Variants in PTGIS observed in about 807,000 individuals in gnomAD.
PTGIS encodes prostaglandin I2 synthase.
In PTGIS, 45 loss-of-function variants were observed where a neutral mutation model predicts 50.3. The ratio of observed to expected loss-of-function variants is 0.90; its 90% CI spans 0.70 to 1.15. PTGIS has a LOEUF of 1.15. PTGIS is among the 50% of genes most tolerant of loss of function. The pLI, the probability that PTGIS is intolerant of heterozygous loss-of-function variation, is 0.00. For missense variants in PTGIS, 668 were observed against 661.3 expected (o/e 1.01, Z -0.11); for synonymous variants, 260 against 267.7 (o/e 0.97, Z 0.28).
At chr20:49,538,906 G>T (rs943463051) in intron 5 of PTGIS, among the ~76,000 whole-genome samples, 1 of 151,776 alleles carries the variant, frequency 6.6e-6, no homozygotes, top group Non-Finnish European at 1.5e-5. Flanking sequence ...GATCTCAAAC[G>T]CCTGACTTCA....
At chr20:49,545,089 T>C (rs900576612) in intron 3 of PTGIS, among the ~76,000 whole-genome samples, 20 of 151,978 alleles carry the variant, frequency 1.3e-4, no homozygotes, top group African/African-American at 4.1e-4. Context: ...CTGGGCAACA[T>C]AGTGAGACTC....
chr20:49,524,486 C>T (rs1414660008), intron 5 of PTGIS, among the ~76,000 whole-genome samples: 1 of 152,140 alleles, frequency 6.6e-6, no homozygotes, highest in Non-Finnish European at 1.5e-5. Context: ...CAGGTGGGAG[C>T]CTGATCTATT....
At chr20:49,548,561 T>A (rs753208714) in intron 2 of PTGIS, among the ~76,000 whole-genome samples, 8 of 151,110 alleles carry the variant, frequency 5.3e-5, no homozygotes, top group Non-Finnish European at 1.2e-4. Flanking sequence ...GATGGATGGA[T>A]GAAAGAATGG....
intron 1 of PTGIS, among the ~76,000 whole-genome samples, chr20:49,550,629 C>G (rs1217974568): frequency 6.6e-6 from 1 of 152,220 alleles, no homozygotes; most frequent in Non-Finnish European, 1.5e-5. Context: ...TGTTTGGTAA[C>G]AGCTTGGTAT....
At chr20:49,565,847 C>A (rs1982883141) in intron 1 of PTGIS, among the ~76,000 whole-genome samples, 2 of 152,182 alleles carry the variant, frequency 1.3e-5, no homozygotes, top group Non-Finnish European at 2.9e-5. Context: ...AGGGTCCATG[C>A]ACCTACCCTC....
chr20:49,513,848 A>C (rs762178658), intron 7 of PTGIS, among the ~76,000 whole-genome samples: 6 of 152,182 alleles, frequency 3.9e-5, no homozygotes, highest in Admixed American at 6.5e-5. Flanking sequence ...AGCTGCCAAC[A>C]GCTACTGCCA....
chr20:49,555,264 G>A (rs1982600062), intron 1 of PTGIS, among the ~76,000 whole-genome samples: 2 of 85,914 alleles, frequency 2.3e-5, no homozygotes, highest in Admixed American at 3.0e-4. Context: ...CAAAGTGAGA[G>A]TGTCTCGAAA....
chr20:49,565,996 G>A (rs937612132), intron 1 of PTGIS, among the ~76,000 whole-genome samples: 2 of 152,184 alleles, frequency 1.3e-5, no homozygotes, highest in South Asian at 2.1e-4. Flanking sequence ...TTGGGAGGCC[G>A]AGGCAGGCAG....
rs1280783501 is a variant in PTGIS at position 49,511,124 on chromosome 20, TAA to T, written c.1260_1261del (p.Phe420LeufsTer55). ...ATTCTTCAGCCGTTTCCCATCCTTG[TAA>T]AAGTCTTTCTTCTCTGATCCGTCAG... On this transcript the variant is annotated frameshift_variant, in exon 9 of 10. Coordinates refer to ENST00000244043, the MANE Select transcript of PTGIS (RefSeq NM_000961.4). LOFTEE classifies it high-confidence loss of function. 1.2e-6 allele frequency: 2 copies of T among 1,614,240 alleles called. No individual in the cohort carries two copies. The highest frequency in any genetic ancestry group is 1.7e-6 in the Non-Finnish European group (2 of 1,180,038).
chr20:49,564,997 G>A (rs1191584422), intron 1 of PTGIS, among the ~76,000 whole-genome samples: 1 of 147,972 alleles, frequency 6.8e-6, no homozygotes, highest in Non-Finnish European at 1.5e-5. Flanking sequence ...TTTTGAGATG[G>A]AGTCGCTCTG....
chr20:49,567,071 A>G (rs1328902998), intron 1 of PTGIS, among the ~76,000 whole-genome samples: 3 of 152,176 alleles, frequency 2.0e-5, no homozygotes, highest in Non-Finnish European at 4.4e-5. Context: ...AGACTCAGCA[A>G]CAGGAGAGGC....
intron 2 of PTGIS, among the ~76,000 whole-genome samples, chr20:49,549,289 C>A (rs897366335): frequency 6.6e-6 from 1 of 152,154 alleles, no homozygotes; most frequent in Non-Finnish European, 1.5e-5. Flanking sequence ...CTACATGCAT[C>A]CTCCCATATA....
intron 1 of PTGIS, among the ~76,000 whole-genome samples, chr20:49,553,207 T>C (rs189053786): frequency 1.3e-5 from 2 of 152,250 alleles, no homozygotes; most frequent in African/African-American, 4.8e-5. Flanking sequence ...GTGACAAAAT[T>C]TGGCATGAGG....
intron 6 of PTGIS, among the ~76,000 whole-genome samples, chr20:49,520,016 C>T (rs115175571): frequency 1.8e-3 from 272 of 151,852 alleles, no homozygotes; most frequent in African/African-American, 6.2e-3. Context: ...CCCTCTAAAG[C>T]GAAAGACAGG....
chr20:49,516,373 G>A (rs1253624921), intron 6 of PTGIS, among the ~76,000 whole-genome samples: 3 of 152,112 alleles, frequency 2.0e-5, no homozygotes, highest in Admixed American at 2.0e-4. Context: ...CACCTCCTGG[G>A]CTCAAGTGAT....
intron 1 of PTGIS, among the ~76,000 whole-genome samples, chr20:49,562,427 T>C (rs867632815): frequency 6.6e-6 from 1 of 152,142 alleles, no homozygotes; most frequent in Non-Finnish European, 1.5e-5. Context: ...CCCAGGCGCC[T>C]GACCCCTGAT....
chr20:49,558,739 G>A (rs1982686196), intron 1 of PTGIS, among the ~76,000 whole-genome samples: 2 of 146,714 alleles, frequency 1.4e-5, no homozygotes, highest in South Asian at 2.1e-4. Flanking sequence ...TTGAGATGGA[G>A]TTTTGCTCTT....
chr20:49,536,031 A>T (rs1379575601), intron 5 of PTGIS, among the ~76,000 whole-genome samples: 1 of 152,248 alleles, frequency 6.6e-6, no homozygotes, highest in East Asian at 1.9e-4. Context: ...AAAGATGTTT[A>T]TATCAACAGA....
intron 6 of PTGIS, among the ~76,000 whole-genome samples, chr20:49,519,179 C>T (rs755656768): frequency 6.6e-6 from 1 of 151,734 alleles, no homozygotes; most frequent in Non-Finnish European, 1.5e-5. Flanking sequence ...CCTCCTCTTC[C>T]CCTTGCCTGG....
Sources: gnomAD v4.1 joint callset for allele counts (sites outside exome capture counted in the v4.1 genomes callset) on GRCh38, gnomAD v4.1.1 for gene constraint, MANE v1.5 for transcripts, NCBI Gene and HGNC (gene_info 2026-07-23, HGNC 2026-07-21) for gene names.